ZNF174: variants seen among roughly 807,000 people sequenced by gnomAD.
ZNF174 encodes the protein zinc finger protein 174, also known as AW-1.
In ZNF174, 30 loss-of-function variants were observed where a neutral mutation model predicts 38.7. The observed-to-expected ratio is 0.78, with a 90% CI of 0.58 to 1.05. The LOEUF is 1.05. Ranked by LOEUF, ZNF174 falls within the 50% of genes least tolerant of loss-of-function variation. The pLI, the probability that ZNF174 is intolerant of heterozygous loss-of-function variation, is 0.00. For synonymous variants in ZNF174, 201 were observed against 181.7 expected (o/e 1.11, Z -0.86); for missense variants, 499 against 495.6 (o/e 1.01, Z -0.06).
rs1293151608 is a variant in ZNF174 at position 3,408,669 on chromosome 16, C to T, written c.974C>T (p.Pro325Leu). 6.2e-7 allele frequency: 1 copy of T among 1,614,114 alleles called. No individual in the cohort carries two copies. Among genetic ancestry groups the T allele is most frequent in the East Asian group, 2.2e-5 (1 of 44,872 alleles). The part of the protein sequence containing the change: ...GHQPTRSAKK[P>L]YKCDDCGKSF... ...CAGCCCACCCGCTCAGCAAAGAAAC[C>T]CTACAAATGTGATGACTGTGGGAAA... Residue 325 changes from proline to leucine, a missense_variant, in exon 3 of 3, where the codon CCC (proline) becomes CTC (leucine). Coordinates refer to ENST00000268655, the MANE Select transcript of ZNF174 (RefSeq NM_003450.3).
intron 2 of ZNF174, among the ~76,000 whole-genome samples, chr16:3,406,065 T>G (rs1268340297): frequency 1.3e-5 from 2 of 152,352 alleles, no homozygotes; most frequent in East Asian, 3.9e-4. Context: ...GTGTGTGGCT[T>G]CTTTCACTGA....
At chr16:3,407,063 C>T (rs990611047) in intron 2 of ZNF174, among the ~76,000 whole-genome samples, 5 of 152,184 alleles carry the variant, frequency 3.3e-5, no homozygotes, top group Admixed American at 2.6e-4. Context: ...AATTTATAAA[C>T]AACAGAAATT....
chr16:3,409,312 C>G lies in ZNF174; in HGVS notation c.*393C>G, dbSNP rs921129802. On this transcript the variant is annotated 3_prime_UTR_variant, in exon 3 of 3. Transcript: ENST00000268655. Reference sequence around the variant, plus strand: ...GTTATGCATTTGCTGTCATACCAGACAATTTTTTATCATGAGCACACTTCT... The same window carrying G: ...GTTATGCATTTGCTGTCATACCAGAGAATTTTTTATCATGAGCACACTTCT... The G allele has an allele frequency of 5.8e-6, 1 of 171,484 alleles. No individual in the cohort carries two copies. Among genetic ancestry groups the G allele is most frequent in the Non-Finnish European group, 1.3e-5 (1 of 78,342 alleles). 10.6% of individuals were successfully genotyped at this position (171,484 alleles called of 1,614,324 possible).
In ZNF174 at chr16:3,401,727, C is replaced by T. The variant is rs1462564134; in HGVS notation, c.-278C>T. The T allele has an allele frequency of 1.9e-5, 7 of 360,190 alleles. No homozygotes were observed. The Admixed American group carries it at 2.4e-4, about 12-fold the overall frequency. The allele number at this position is 360,190 out of a possible 1,614,324, so 22.3% of individuals were successfully genotyped here. A position where few individuals can be genotyped will look rare whatever the true frequency, so the allele number is the denominator to read the frequency against. ...TACTGAAATAAAAGAAGTATTTTTT[C>T]CCCAGAGTCCTTTTAGGACGTTATG... is the stretch of plus-strand genomic sequence containing the variant. On this transcript the variant is annotated 5_prime_UTR_variant, in exon 1 of 3. Transcript: ENST00000268655.
chr16:3,402,474 T>C, intron 1 of ZNF174, 68 bp downstream of exon 1: 1 of 1,478,170 alleles, frequency 6.8e-7, no homozygotes, highest in Non-Finnish European at 9.1e-7. Context: ...TTTTTCTTTT[T>C]TTGAGACGGA....
rs1296299073 is a variant in ZNF174 at position 3,401,482 on chromosome 16, G to C, written c.-523G>C. On this transcript the variant is annotated 5_prime_UTR_variant, in exon 1 of 3. Transcript: ENST00000268655. ...TCGGCAGCGAGCAGCCGCTTTGCTC[G>C]CGTGCAGGAGGCTGTTCGCTACCTC... The C allele has an allele frequency of 6.5e-6, 1 of 152,880 alleles. No individual in the cohort carries two copies. The highest frequency in any genetic ancestry group is 2.0e-4 in the South Asian group (1 of 4,966). The allele number at this position is 152,880 out of a possible 1,614,324, so 9.5% of individuals were successfully genotyped here. A position where few individuals can be genotyped will look rare whatever the true frequency, so the allele number is the denominator to read the frequency against.
chr16:3,404,472 G>C lies in ZNF174; in HGVS notation c.449G>C (p.Gly150Ala). Residue 150 changes from glycine to alanine, a missense_variant, in exon 2 of 3, where the codon GGA becomes GCA. Coordinates refer to ENST00000268655, the MANE Select transcript of ZNF174 (RefSeq NM_003450.3). Reference protein sequence around the residue: ...QGQKVLLEKTGSQLGEQELPD... With the variant: ...QGQKVLLEKTASQLGEQELPD... ...CAAAAGGTGCTCTTGGAGAAAACTG[G>C]ATCTCAGCTTGGAGAACAGGAACTG... 1.2e-6 allele frequency: 2 copies of C among 1,611,536 alleles called. No homozygotes were observed. The highest frequency in any genetic ancestry group is 2.2e-5 in the South Asian group (2 of 91,056).
intron 1 of ZNF174, among the ~76,000 whole-genome samples, chr16:3,403,889 CAAGAAGCAAACGGCAGGTA>C (rs1338627245): frequency 1.3e-5 from 2 of 152,154 alleles, no homozygotes; most frequent in Non-Finnish European, 2.9e-5. Context: ...AGGACCTAGG[CAAGAAGCAAACGGCAGGTA>C]CTTCGGAAAA....
Position 3,402,499 on chromosome 16 carries a change from C to A in ZNF174, c.402+93C>A. ...TTTGAGACGGAATCTTGCTCTTTCG[C>A]CCAGGCCCGAGTGCAGTGGCGCTAT... On this transcript the variant is annotated intron_variant, in intron 1 of 2. Coordinates refer to ENST00000268655, the MANE Select transcript of ZNF174 (RefSeq NM_003450.3). 2.2e-6 allele frequency: 3 copies of A among 1,334,828 alleles called. No individual in the cohort carries two copies. The Admixed American group carries it at 7.7e-5, about 34-fold the overall frequency. 82.7% of individuals were successfully genotyped at this position (1,334,828 alleles called of 1,614,324 possible).
In ZNF174 at chr16:3,401,252, G is replaced by A. The variant is rs909599154; in HGVS notation, c.-753G>A. 12 of 152,468 alleles carry A rather than the reference G, an allele frequency of 7.9e-5. No homozygotes were observed. The highest frequency in any genetic ancestry group is 1.5e-4 in the Non-Finnish European group (10 of 68,244). The allele number at this position is 152,468 out of a possible 1,614,324, so 9.4% of individuals were successfully genotyped here. A position where few individuals can be genotyped will look rare whatever the true frequency, so the allele number is the denominator to read the frequency against. On this transcript the variant is annotated 5_prime_UTR_variant, in exon 1 of 3. Transcript: ENST00000268655. The stretch of plus-strand genomic sequence containing the variant: ...CCGGTGTCGGGTCCTAAGTCCCTCG[G>A]TCTTGGGTTCCCGGAGAGGTGAGTC...
chr16:3,406,577 T>C (rs2034059107), intron 2 of ZNF174, among the ~76,000 whole-genome samples: 3 of 152,256 alleles, frequency 2.0e-5, no homozygotes, highest in African/African-American at 7.2e-5. Context: ...CAGTTACATA[T>C]CTTGTGTGGA....
In ZNF174 at chr16:3,409,042, T is replaced by C. The variant is rs371213525; in HGVS notation, c.*123T>C. 2.6e-4 allele frequency: 280 copies of C among 1,086,866 alleles called. No individual in the cohort carries two copies. The African/African-American group carries it at 3.4e-3, about 13-fold the overall frequency. The allele number at this position is 1,086,866 out of a possible 1,614,324, so 67.3% of individuals were successfully genotyped here. A position where few individuals can be genotyped will look rare whatever the true frequency, so the allele number is the denominator to read the frequency against. On this transcript the variant is annotated 3_prime_UTR_variant, in exon 3 of 3. Coordinates refer to ENST00000268655, the MANE Select transcript of ZNF174 (RefSeq NM_003450.3). Reference sequence around the variant, plus strand: ...AAAGCACGAGGCCCTTGAGGAATGATGATGCACATTCTGCTGTGAGGAGGC... The same window carrying C: ...AAAGCACGAGGCCCTTGAGGAATGACGATGCACATTCTGCTGTGAGGAGGC...
In ZNF174 at chr16:3,401,242, A is replaced by G. The variant is rs2033882458; in HGVS notation, c.-763A>G. The G allele has an allele frequency of 6.6e-6, 1 of 152,172 alleles. No homozygotes were observed. The highest frequency in any genetic ancestry group is 1.5e-5 in the Non-Finnish European group (1 of 68,106). The allele number at this position is 152,172 out of a possible 1,614,324, so 9.4% of individuals were successfully genotyped here. On this transcript the variant is annotated 5_prime_UTR_variant, in exon 1 of 3. Transcript: ENST00000268655. Reference sequence around the variant, plus strand: ...CCCGTGCTCGCCGGTGTCGGGTCCTAAGTCCCTCGGTCTTGGGTTCCCGGA... The same window carrying G: ...CCCGTGCTCGCCGGTGTCGGGTCCTGAGTCCCTCGGTCTTGGGTTCCCGGA...
rs1324386480 is a variant in ZNF174, at chr16:3,409,193, C to G, written c.*274C>G. 1.7e-5 allele frequency: 7 copies of G among 423,006 alleles called. No individual in the cohort carries two copies. In the East Asian group the frequency reaches 2.1e-4, roughly 12 times the overall value. The allele number at this position is 423,006 out of a possible 1,614,324, so 26.2% of individuals were successfully genotyped here. ...CAAGGAGTAACTACTGAGAGAGAAT[C>G]AGGACAATCCTGCAGGTGGCCCGCT... On this transcript the variant is annotated 3_prime_UTR_variant, in exon 3 of 3. Coordinates refer to ENST00000268655, the MANE Select transcript of ZNF174 (RefSeq NM_003450.3).
intron 1 of ZNF174, 57 bp downstream of exon 1, chr16:3,402,463 T>TTC: frequency 6.5e-6 from 10 of 1,526,752 alleles, no homozygotes; most frequent in Non-Finnish European, 8.8e-6. Context: ...CTTTTTTTTT[T>TTC]TTTTTCTTTT....
At position 3,409,066 on chromosome 16, in the gene ZNF174, G is replaced by A; in HGVS notation, c.*147G>A. ...ATGATGCACATTCTGCTGTGAGGAGGCCCAGAAAAGGCCAACCAGGGCCCA... is the reference window on the plus strand; with the variant it reads ...ATGATGCACATTCTGCTGTGAGGAGACCCAGAAAAGGCCAACCAGGGCCCA... On this transcript the variant is annotated 3_prime_UTR_variant, in exon 3 of 3. Transcript: ENST00000268655. The A allele has an allele frequency of 3.1e-6, 3 of 971,274 alleles. No homozygotes were observed. The highest frequency in any genetic ancestry group is 1.6e-5 in the South Asian group (1 of 61,430). The allele number at this position is 971,274 out of a possible 1,614,324, so 60.2% of individuals were successfully genotyped here.
chr16:3,408,211 G>A, intron 2 of ZNF174, 110 bp from the exon 3 acceptor site: 1 of 1,052,678 alleles, frequency 9.5e-7, no homozygotes, highest in Non-Finnish European at 1.4e-6. Context: ...TCTAATGCAA[G>A]TTGCCAGCGG....
At chr16:3,403,442 A>T (rs1410388203) in intron 1 of ZNF174, among the ~76,000 whole-genome samples, 2 of 149,336 alleles carry the variant, frequency 1.3e-5, no homozygotes, top group Non-Finnish European at 3.0e-5. Context: ...AAGTGCTGGG[A>T]TTACAGGCGT....
At chr16:3,402,790 CT>C (rs2033971593) in intron 1 of ZNF174, among the ~76,000 whole-genome samples, 1 of 152,104 alleles carries the variant, frequency 6.6e-6, no homozygotes, top group Admixed American at 6.5e-5. Flanking sequence ...TGTTTGGTAT[CT>C]GGATCTCTCC....
Sources: gnomAD v4.1 joint callset for allele counts (sites outside exome capture counted in the v4.1 genomes callset) on GRCh38, gnomAD v4.1.1 for gene constraint, MANE v1.5 for transcripts, NCBI Gene and HGNC (gene_info 2026-07-23, HGNC 2026-07-21) for gene names.